The following CTNNA3 variants were observed in gnomAD, a reference collection of about 807,000 sequenced individuals.
The protein encoded by CTNNA3 is catenin alpha 3, also known as catenin alpha-3.
CTNNA3 carries 76 observed loss-of-function variants against 95.7 expected under a neutral mutation model. The observed-to-expected ratio is 0.79, with a 90% CI of 0.66 to 0.96. The LOEUF (loss-of-function observed/expected upper bound fraction) is 0.96. Among genes scored for constraint, CTNNA3 ranks in the 40% least tolerant of loss-of-function variants. CTNNA3 has a pLI of 0.00. For missense variants in CTNNA3, 1,191 were observed against 1,089.8 expected (o/e 1.09, Z -1.31); for synonymous variants, 431 against 374.4 (o/e 1.15, Z -1.74).
At chr10:67,424,327 C>T (rs770761341) in intron 5 of CTNNA3, among the ~76,000 whole-genome samples, 6 of 152,056 alleles carry the variant, frequency 3.9e-5, no homozygotes, top group Non-Finnish European at 8.8e-5. Flanking sequence ...AACAAAACAG[C>T]ACTAAAAATG....
intron 7 of CTNNA3, among the ~76,000 whole-genome samples, chr10:66,946,582 T>C (rs965819346): frequency 6.6e-6 from 1 of 152,144 alleles, no homozygotes; most frequent in African/African-American, 2.4e-5. Flanking sequence ...CTGTTACCTG[T>C]AACAGCATAG....
intron 15 of CTNNA3, among the ~76,000 whole-genome samples, chr10:66,054,995 ATT>A (rs878976255): frequency 6.6e-6 from 1 of 151,804 alleles, no homozygotes; most frequent in Non-Finnish European, 1.5e-5. Context: ...TTCCCAATGT[ATT>A]TTCTTGGCAT....
chr10:66,895,054 C>CAAAAAAAAAAAAAAAAAAA (rs537843933), intron 7 of CTNNA3, among the ~76,000 whole-genome samples: 2 of 115,586 alleles, frequency 1.7e-5, no homozygotes, highest in Admixed American at 9.7e-5. Flanking sequence ...AACAAATAAA[C>CAAAAAAAAAAAAAAAAAAA]AAAAAAAAAA....
intron 12 of CTNNA3, among the ~76,000 whole-genome samples, chr10:66,340,574 T>G (rs2092443370): frequency 6.6e-6 from 1 of 151,814 alleles, no homozygotes; most frequent in African/African-American, 2.4e-5. Flanking sequence ...TCTATTCTAA[T>G]AAGATTCATT....
rs551459425 is a variant in CTNNA3 at position 67,568,218 on chromosome 10, C to T, written c.293-28549G>A. On this transcript the variant is annotated intron_variant, in intron 3 of 17. Coordinates refer to ENST00000433211, the MANE Select transcript of CTNNA3 (RefSeq NM_013266.4). ...TCTTCATCTCAATGTTTGCAAGACT[C>T]CAGGCTACAGACTGTTTTTTTTTTT... Among the ~76,000 whole-genome samples the T allele has an allele frequency of 1.7e-4, 25 of 146,540 alleles. 1 individual carries two copies. Among genetic ancestry groups the T allele is most frequent in the Admixed American group, 1.6e-3 (24 of 14,550 alleles).
intron 5 of CTNNA3, among the ~76,000 whole-genome samples, chr10:67,225,830 A>G (rs1864886215): frequency 6.6e-6 from 1 of 152,172 alleles, no homozygotes; most frequent in African/African-American, 2.4e-5. Context: ...AGCACCCCCA[A>G]AAAGCACACT....
chr10:66,702,736 A>T (rs1847992115), intron 9 of CTNNA3, among the ~76,000 whole-genome samples: 1 of 104,166 alleles, frequency 9.6e-6, no homozygotes. Context: ...AAGAATAAGT[A>T]GTAGTAGTAG....
intron 5 of CTNNA3, among the ~76,000 whole-genome samples, chr10:67,275,460 C>G (rs907287660): frequency 6.6e-6 from 1 of 151,782 alleles, no homozygotes; most frequent in African/African-American, 2.4e-5. Flanking sequence ...AAATAAAGAG[C>G]CTTAAATATT....
At chr10:66,621,557 A>G (rs970505654) in intron 10 of CTNNA3, 135 bp downstream of exon 10, 9 of 522,768 alleles carry the variant, frequency 1.7e-5, no homozygotes, top group South Asian at 2.9e-5. Context: ...GCGCCACTGC[A>G]TTCCAGCCTG....
Position 67,682,199 on chromosome 10 carries a change from C to T in CTNNA3, c.-6+13801G>A, listed in dbSNP as rs1337415084. On this transcript the variant is annotated intron_variant, in intron 1 of 17. Transcript: ENST00000433211. ...AAATTTAGCCCAGCGTGGTGGTGGGCGCCTATAGTCCCAGCTACTTGGGAG... is the reference window on the plus strand; with the variant it reads ...AAATTTAGCCCAGCGTGGTGGTGGGTGCCTATAGTCCCAGCTACTTGGGAG... 6.0e-5 allele frequency among the ~76,000 whole-genome samples: 9 copies of T among 150,688 alleles called. No homozygotes were observed. In the East Asian group the frequency reaches 7.8e-4, roughly 13 times the overall value.
At chr10:66,339,553 G>T (rs796995942) in intron 12 of CTNNA3, among the ~76,000 whole-genome samples, 58 of 151,902 alleles carry the variant, frequency 3.8e-4, no homozygotes, top group African/African-American at 1.3e-3. Context: ...GTAAAGGAAA[G>T]ATTTTAAAAG....
At chr10:66,641,765 A>T (rs1363786511) in intron 9 of CTNNA3, among the ~76,000 whole-genome samples, 1 of 152,124 alleles carries the variant, frequency 6.6e-6, no homozygotes, top group Non-Finnish European at 1.5e-5. Flanking sequence ...AGCAGTTGTA[A>T]CTGCATCTAG....
chr10:67,153,255 C>A (rs1225834316), intron 7 of CTNNA3, among the ~76,000 whole-genome samples: 1 of 152,162 alleles, frequency 6.6e-6, no homozygotes, highest in Non-Finnish European at 1.5e-5. Flanking sequence ...GGATTACAGG[C>A]GTGAGCCACC....
intron 7 of CTNNA3, among the ~76,000 whole-genome samples, chr10:66,961,817 A>ACCT (rs1247947870): frequency 6.6e-6 from 1 of 152,002 alleles, no homozygotes; most frequent in Non-Finnish European, 1.5e-5. Context: ...CCTGATCTTC[A>ACCT]CCTCCACTCC....
At chr10:67,182,860 C>T (rs896525587) in intron 6 of CTNNA3, among the ~76,000 whole-genome samples, 2 of 152,158 alleles carry the variant, frequency 1.3e-5, no homozygotes, top group African/African-American at 4.8e-5. Context: ...CAAACAACCC[C>T]ATCAACAACT....
At chr10:67,621,764 A>G (rs773271815) in intron 2 of CTNNA3, among the ~76,000 whole-genome samples, 19,367 of 125,182 alleles carry the variant, frequency 0.15, 2,313 homozygotes, top group African/African-American at 0.44. Flanking sequence ...AAAAAAAAAG[A>G]AAAGAAAAGA....
At chr10:66,226,591 A>C (rs1341586272) in intron 13 of CTNNA3, among the ~76,000 whole-genome samples, 1 of 149,688 alleles carries the variant, frequency 6.7e-6, no homozygotes, top group Non-Finnish European at 1.5e-5. Flanking sequence ...TTTTTTTTGA[A>C]GCATGTCCTA....
rs192296796 is a variant in CTNNA3 at position 66,595,482 on chromosome 10, G to A, written c.1374+26210C>T. Among the ~76,000 whole-genome samples the A allele has an allele frequency of 7.4e-4, 112 of 151,724 alleles. 2 individuals are homozygous for A. The highest frequency in any genetic ancestry group is 2.6e-3 in the African/African-American group (106 of 41,374). ...CCTCAGCCTCCTGGGTATTACAGGC[G>A]CATGCCACCACATCCAGCTAATTTT... On this transcript the variant is annotated intron_variant, in intron 10 of 17. Coordinates refer to ENST00000433211, the MANE Select transcript of CTNNA3 (RefSeq NM_013266.4).
Position 66,583,180 on chromosome 10 carries a change from T to C in CTNNA3, c.1374+38512A>G, listed in dbSNP as rs1396815859. 2.0e-5 allele frequency among the ~76,000 whole-genome samples: 3 copies of C among 151,876 alleles called. No individual in the cohort carries two copies. The East Asian group carries it at 5.8e-4, about 29-fold the overall frequency. On this transcript the variant is annotated intron_variant, in intron 10 of 17. Transcript: ENST00000433211. ...AATGTATTAGGGAGGATTCTCTTCTTCTCAATCTTTTGGAATAGATTCAAT... is the reference window on the plus strand; with the variant it reads ...AATGTATTAGGGAGGATTCTCTTCTCCTCAATCTTTTGGAATAGATTCAAT...
Sources: allele counts gnomAD v4.1 joint callset (sites outside exome capture counted in the v4.1 genomes callset), GRCh38; gene constraint gnomAD v4.1.1; transcripts MANE v1.5; gene names NCBI Gene and HGNC (gene_info 2026-07-23, HGNC 2026-07-21).